VGLL4: variants seen among roughly 807,000 people sequenced by gnomAD.
VGLL4 encodes the protein transcription cofactor vestigial-like protein 4.
In VGLL4, 7 loss-of-function variants were observed where a neutral mutation model predicts 21.0. The observed-to-expected ratio is 0.33, with a 90% CI of 0.19 to 0.63. The LOEUF is 0.63. VGLL4 is among the 20% of genes least tolerant of loss of function. The probability of loss-of-function intolerance (pLI) is 0.78; values close to 1 mark genes in which losing one functional copy is unlikely to be tolerated. For missense variants in VGLL4, 394 were observed against 425.7 expected, an observed-to-expected ratio of 0.93 and a Z score of 0.66; for synonymous variants, 222 against 173.2, an observed-to-expected ratio of 1.28 and a Z score of -2.21.
chr3:11,643,869 C>A lies in VGLL4; in HGVS notation c.-351G>T. 1 of 1,025,310 alleles carries A rather than the reference C, an allele frequency of 9.8e-7. No individual in the cohort carries two copies. 63.5% of individuals were successfully genotyped at this position (1,025,310 alleles called of 1,614,324 possible). A position where few individuals can be genotyped will look rare whatever the true frequency, so the allele number is the denominator to read the frequency against. The stretch of plus-strand genomic sequence containing the variant: ...TTTCCTAGGACAAAGCGGCGCCGGC[C>A]CCTCTCACAGCCCGCTGCAAGCCGG... On this transcript the variant is annotated 5_prime_UTR_variant, in exon 1 of 5. Transcript: ENST00000430365.
chr3:11,703,044 G>A (rs774104188), exon 2 of VGLL4: 4 of 1,603,970 alleles, frequency 2.5e-6, no homozygotes, highest in East Asian at 4.5e-5. Flanking sequence ...TTCCTGGTTG[G>A]AGCCTAAGAG....
At chr3:11,699,863 T>C (rs1233592714) in intron 2 of VGLL4, among the ~76,000 whole-genome samples, 5 of 152,030 alleles carry the variant, frequency 3.3e-5, no homozygotes, top group East Asian at 3.9e-4. Flanking sequence ...TATTTTCTGA[T>C]TGTTAGAGCC....
chr3:11,639,646 G>A (rs1161165178), intron 1 of VGLL4, among the ~76,000 whole-genome samples: 4 of 152,220 alleles, frequency 2.6e-5, no homozygotes, highest in Non-Finnish European at 5.9e-5. Context: ...GCCAAGGCGG[G>A]CGGATTACCT....
At chr3:11,645,744 G>A (rs2075781261), upstream of VGLL4, among the ~76,000 whole-genome samples, 1 of 152,062 alleles carries the variant, frequency 6.6e-6, no homozygotes, top group Admixed American at 6.5e-5. Context: ...GACTGAGACG[G>A]GCGGATCACT....
At chr3:11,620,465 C>T (rs1454821686) in intron 1 of VGLL4, among the ~76,000 whole-genome samples, 1 of 152,116 alleles carries the variant, frequency 6.6e-6, no homozygotes, top group Non-Finnish European at 1.5e-5. Context: ...CAGGGTGAGC[C>T]TTGGTCATCC....
rs1202004274 is a variant in VGLL4 at position 11,573,312 on chromosome 3, GAAGGAAGAAAGA to G, written c.273-8305_273-8294del. 1.1e-3 allele frequency among the ~76,000 whole-genome samples: 11 copies of G among 9,832 alleles called. 3 individuals are homozygous for G. Among genetic ancestry groups the G allele is most frequent in the Admixed American group, 3.1e-3 (3 of 968 alleles). The allele number at this position is 9,832 out of a possible 152,430, so 6.5% of individuals were successfully genotyped here. A position where few individuals can be genotyped will look rare whatever the true frequency, so the allele number is the denominator to read the frequency against. ...GAAAGAAAGAAAGAAAGAAAGGAAG[GAAGGAAGAAAGA>G]AAGAAAGAAAGAAAGAAAGAAAGAA... On this transcript the variant is annotated intron_variant, in intron 2 of 4. Coordinates refer to ENST00000430365, the MANE Select transcript of VGLL4 (RefSeq NM_001128219.3).
At chr3:11,584,579 G>A (rs2074318253) in intron 2 of VGLL4, among the ~76,000 whole-genome samples, 2 of 152,024 alleles carry the variant, frequency 1.3e-5, no homozygotes, top group South Asian at 4.1e-4. Context: ...TATAAAAGTG[G>A]GAATATATGA....
intron 1 of VGLL4, among the ~76,000 whole-genome samples, chr3:11,614,216 G>A (rs192113822): frequency 2.6e-5 from 4 of 152,282 alleles, no homozygotes; most frequent in African/African-American, 7.2e-5. Context: ...TTCAAAACCC[G>A]ACTTGAGTGC....
chr3:11,706,715 T>C (rs1030199687), intron 1 of VGLL4, among the ~76,000 whole-genome samples: 1 of 152,172 alleles, frequency 6.6e-6, no homozygotes, highest in South Asian at 2.1e-4. Context: ...TGTGTTTCTG[T>C]ATACTTCCTA....
chr3:11,659,326 CTTTTTTTTTTTT>C (rs5846714), intron 2 of VGLL4, among the ~76,000 whole-genome samples: 1 of 70,824 alleles, frequency 1.4e-5, no homozygotes, highest in African/African-American at 5.3e-5. Flanking sequence ...TTTTCTTTTT[CTTTTTTTTTTTT>C]TTTTTTTTTT....
chr3:11,579,978 GT>G (rs2074180136), intron 2 of VGLL4, among the ~76,000 whole-genome samples: 1 of 152,120 alleles, frequency 6.6e-6, no homozygotes, highest in Non-Finnish European at 1.5e-5. Flanking sequence ...ACTCATTAAT[GT>G]TTATTCAGTT....
In VGLL4 at chr3:11,601,949, G is replaced by T; in HGVS notation, c.156C>A (p.Thr52=). ...PVASALSSHR[T]GPPPISPSKR... Reference sequence around the variant, plus strand: ...TGCTGGGGCTGATTGGGGGAGGGCCGGTGCGGTGACTGCTGAGGGCAGAGG... The same window carrying T: ...TGCTGGGGCTGATTGGGGGAGGGCCTGTGCGGTGACTGCTGAGGGCAGAGG... Residue 52 remains threonine, a synonymous_variant, in exon 2 of 5, where the codon ACC becomes ACA. Coordinates refer to ENST00000430365, the MANE Select transcript of VGLL4 (RefSeq NM_001128219.3). 6.2e-7 allele frequency: 1 copy of T among 1,612,740 alleles called. No individual in the cohort carries two copies. Among genetic ancestry groups the T allele is most frequent in the Non-Finnish European group, 8.5e-7 (1 of 1,179,480 alleles).
Position 11,568,640 on chromosome 3 carries a change from A to G in VGLL4, c.273-3621T>C. The G allele has an allele frequency of 6.4e-7, 1 of 1,568,880 alleles. No individual in the cohort carries two copies. The highest frequency in any genetic ancestry group is 1.2e-5 in the South Asian group (1 of 85,452). ...CATTTTCCTGGTTCCCGGAGCTTCA[A>G]GACAGACATTGTTTTCCAGGCCCCG... is the stretch of plus-strand genomic sequence containing the variant. On this transcript the variant is annotated intron_variant, in intron 2 of 4. Transcript: ENST00000430365. The surrounding 1 kb of genome is among the most constrained non-coding windows in gnomAD (Gnocchi z 5.9).
At chr3:11,608,915 G>A (rs546735358) in intron 1 of VGLL4, among the ~76,000 whole-genome samples, 2 of 152,196 alleles carry the variant, frequency 1.3e-5, no homozygotes, top group South Asian at 4.2e-4. Context: ...AGACTGGAGT[G>A]CAGTGGCGAG....
chr3:11,686,019 A>G (rs1040653983), intron 2 of VGLL4, among the ~76,000 whole-genome samples: 3 of 152,232 alleles, frequency 2.0e-5, no homozygotes, highest in Non-Finnish European at 2.9e-5. Context: ...GATAGCTACT[A>G]TTTAAAAAAC....
intron 1 of VGLL4, among the ~76,000 whole-genome samples, chr3:11,642,111 T>G (rs987742694): frequency 6.6e-6 from 1 of 152,166 alleles, no homozygotes; most frequent in Non-Finnish European, 1.5e-5. Context: ...CTTACGGCTT[T>G]CTAAAGTCGG....
chr3:11,616,015 T>C (rs1042098807), intron 1 of VGLL4, among the ~76,000 whole-genome samples: 46 of 152,326 alleles, frequency 3.0e-4, no homozygotes, highest in African/African-American at 1.0e-3. Context: ...GTGGCCACCC[T>C]GCCTCCCACC....
intron 1 of VGLL4, among the ~76,000 whole-genome samples, chr3:11,643,077 C>G (rs376878095): frequency 1.3e-5 from 2 of 152,218 alleles, no homozygotes; most frequent in Non-Finnish European, 2.9e-5. Flanking sequence ...GCCCCTCCCC[C>G]AAAGAGGCTC....
intron 2 of VGLL4, among the ~76,000 whole-genome samples, chr3:11,576,635 GA>G (rs1325937683): frequency 1.3e-5 from 2 of 152,210 alleles, no homozygotes; most frequent in South Asian, 2.1e-4. Flanking sequence ...GGACTAGAGG[GA>G]GGGGTGAAGA....
Sources: gnomAD v4.1 joint callset for allele counts (sites outside exome capture counted in the v4.1 genomes callset) on GRCh38, gnomAD v4.1.1 for gene constraint, Gnocchi (gnomAD v3.1) non-coding constraint, MANE v1.5 for transcripts, NCBI Gene and HGNC (gene_info 2026-07-23, HGNC 2026-07-21) for gene names.